Variants in NXPE2 observed in about 807,000 individuals in gnomAD.
NXPE2 encodes the protein neurexophilin and PC-esterase domain family member 2, also known as NXPE family member 2.
NXPE2 carries 34 observed loss-of-function variants against 34.4 expected under a neutral mutation model. The observed-to-expected ratio is 0.99, with a 90% CI of 0.75 to 1.31. NXPE2 has a LOEUF of 1.31. Among genes scored for constraint, NXPE2 ranks in the 40% most tolerant of loss-of-function variants. NXPE2 has a pLI of 0.00. For synonymous variants in NXPE2, 235 were observed against 231.3 expected, an observed-to-expected ratio of 1.02 and a Z score of -0.15; for missense variants, 649 against 672.5, an observed-to-expected ratio of 0.97 and a Z score of 0.39.
At chr11:114,537,071 G>T in the NXPE2 span, among the ~76,000 whole-genome samples, 1 of 152,056 alleles carries the variant, frequency 6.6e-6, no homozygotes, top group African/African-American at 2.4e-5. Context: ...ACATCAAAAA[G>T]CTTATCCACC....
At chr11:114,625,513 G>A in the NXPE2 span, among the ~76,000 whole-genome samples, 3 of 151,412 alleles carry the variant, frequency 2.0e-5, no homozygotes, top group Admixed American at 6.6e-5. Flanking sequence ...ACTGTTACCA[G>A]GTGGATAATA....
At chr11:114,708,964 C>T (rs188874370), downstream of NXPE2, among the ~76,000 whole-genome samples, 56 of 152,324 alleles carry the variant, frequency 3.7e-4, no homozygotes, top group Non-Finnish European at 2.9e-5. Context: ...CTCTACAACT[C>T]ACTCTACAAT....
At chr11:114,708,463 T>C (rs1951506577), downstream of NXPE2, among the ~76,000 whole-genome samples, 1 of 152,042 alleles carries the variant, frequency 6.6e-6, no homozygotes, top group African/African-American at 2.4e-5. Flanking sequence ...GGAATATTGT[T>C]ATTAAGGATA....
the NXPE2 span, among the ~76,000 whole-genome samples, chr11:114,787,304 CT>C: frequency 6.6e-6 from 1 of 152,222 alleles, no homozygotes; most frequent in African/African-American, 2.4e-5. Context: ...CATCCTCATT[CT>C]TCCCCATCAC....
At chr11:114,661,369 C>G in the NXPE2 span, among the ~76,000 whole-genome samples, 2 of 152,158 alleles carry the variant, frequency 1.3e-5, no homozygotes, top group East Asian at 3.8e-4. Context: ...AGACAGAACA[C>G]TTGTACCACA....
At chr11:114,613,755 G>A in the NXPE2 span, among the ~76,000 whole-genome samples, 1 of 151,918 alleles carries the variant, frequency 6.6e-6, no homozygotes, top group African/African-American at 2.4e-5. Flanking sequence ...GTTACCCGGT[G>A]GATAATAAGT....
the NXPE2 span, among the ~76,000 whole-genome samples, chr11:114,577,118 T>C: frequency 7.0e-6 from 1 of 142,480 alleles, no homozygotes; most frequent in African/African-American, 2.6e-5. Context: ...TATACACATA[T>C]ATATAAAGTT....
chr11:114,749,374 G>A, the NXPE2 span, among the ~76,000 whole-genome samples: 1 of 152,004 alleles, frequency 6.6e-6, no homozygotes, highest in East Asian at 1.9e-4. Flanking sequence ...CTGATTCCAG[G>A]ACCCATCACA....
the NXPE2 span, among the ~76,000 whole-genome samples, chr11:114,647,604 ATAT>A: frequency 6.6e-6 from 1 of 152,110 alleles, no homozygotes; most frequent in Middle Eastern, 3.4e-3. Flanking sequence ...AAATTTCTTA[ATAT>A]TCTCTCTTTC....
chr11:114,797,851 G>A, the NXPE2 span, among the ~76,000 whole-genome samples: 2 of 152,144 alleles, frequency 1.3e-5, no homozygotes, highest in African/African-American at 4.8e-5. Context: ...GTGAAGTTCT[G>A]AGGCCCACAT....
At chr11:114,758,230 T>G in the NXPE2 span, among the ~76,000 whole-genome samples, 17 of 152,246 alleles carry the variant, frequency 1.1e-4, no homozygotes, top group Non-Finnish European at 2.4e-4. Context: ...TATTGTTTCC[T>G]CACGCTAGAA....
chr11:114,811,346 T>TAA, the NXPE2 span, among the ~76,000 whole-genome samples: 21,515 of 150,798 alleles, frequency 0.14, 1,530 homozygotes, highest in South Asian at 0.18. Flanking sequence ...AATAATAAAA[T>TAA]AAAAAAAATG....
At chr11:114,524,038 A>C in the NXPE2 span, among the ~76,000 whole-genome samples, 7 of 152,204 alleles carry the variant, frequency 4.6e-5, no homozygotes, top group Admixed American at 2.6e-4. Context: ...TGTTCCTTCT[A>C]TGTTGTGGCT....
chr11:114,551,155 G>A, the NXPE2 span: 1 of 1,535,094 alleles, frequency 6.5e-7, no homozygotes, highest in Non-Finnish European at 8.7e-7. Flanking sequence ...TACTGAAAAA[G>A]AGATCAAGAT....
At chr11:114,673,518 T>A in the NXPE2 span, among the ~76,000 whole-genome samples, 1 of 150,748 alleles carries the variant, frequency 6.6e-6, no homozygotes, top group African/African-American at 2.4e-5. Context: ...GACAGAAAAA[T>A]CATTGAAACC....
the NXPE2 span, among the ~76,000 whole-genome samples, chr11:114,718,949 T>A: frequency 6.6e-6 from 1 of 152,160 alleles, no homozygotes; most frequent in East Asian, 1.9e-4. Context: ...ATCATTTCTG[T>A]TTTAGTCCAT....
the NXPE2 span, among the ~76,000 whole-genome samples, chr11:114,643,706 T>C: frequency 1.3e-5 from 2 of 151,246 alleles, no homozygotes; most frequent in East Asian, 3.9e-4. Context: ...CCTCCACCTT[T>C]GTTCTTTTTG....
the NXPE2 span, chr11:114,551,455 CA>C: frequency 8.1e-7 from 1 of 1,229,632 alleles, no homozygotes; most frequent in Non-Finnish European, 1.0e-6. Context: ...AAATGGAAGT[CA>C]AAGTCACCTT....
the NXPE2 span, among the ~76,000 whole-genome samples, chr11:114,802,199 C>T: frequency 6.6e-6 from 1 of 152,176 alleles, no homozygotes; most frequent in Non-Finnish European, 1.5e-5. Flanking sequence ...ACCTCAGGGA[C>T]AACAACACTC....
Sources: gnomAD v4.1 joint callset for allele counts (sites outside exome capture counted in the v4.1 genomes callset) on GRCh38, gnomAD v4.1.1 for gene constraint, MANE v1.5 for transcripts, NCBI Gene and HGNC (gene_info 2026-07-23, HGNC 2026-07-21) for gene names.